ABLIM2: variants seen among roughly 807,000 people sequenced by gnomAD.
ABLIM2 encodes the protein actin-binding LIM protein 2.
A neutral mutation model predicts 97.7 loss-of-function variants in ABLIM2; 53 were observed. The observed-to-expected ratio is 0.54, with a 90% CI of 0.44 to 0.68. ABLIM2 has a LOEUF of 0.68. Ranked by LOEUF, ABLIM2 falls within the 30% of genes least tolerant of loss-of-function variation. The pLI is 0.00. For missense variants in ABLIM2, 835 were observed against 867.2 expected (o/e 0.96, Z 0.47); for synonymous variants, 361 against 345.8 (o/e 1.04, Z -0.49).
At chr4:8,115,166 G>A (rs545665606) in intron 1 of ABLIM2, among the ~76,000 whole-genome samples, 14 of 152,296 alleles carry the variant, frequency 9.2e-5, no homozygotes, top group Non-Finnish European at 1.6e-4. Flanking sequence ...AAATACCTCA[G>A]GCTCCTGACC....
Position 8,046,815 on chromosome 4 carries a change from T to C in ABLIM2, c.823-1574A>G, listed in dbSNP as rs2151803796. ...CCTAATCTGTTATGCCTGGGGTTTC[T>C]ACGAGCAGGGATCAGGACACAGACA... On this transcript the variant is annotated intron_variant, in intron 8 of 20. Transcript: ENST00000447017. This position sits in a 1 kb window ranked among gnomAD's most constrained non-coding sequence, Gnocchi z 4.4. 6.6e-6 allele frequency among the ~76,000 whole-genome samples: 1 copy of C among 152,248 alleles called. No homozygotes were observed. Among genetic ancestry groups the C allele is most frequent in the East Asian group, 1.9e-4 (1 of 5,172 alleles).
In ABLIM2 at chr4:8,032,527, C is replaced by T. The variant is rs1421280539; in HGVS notation, c.1048-2751G>A. ...CCCCATGTCACAAGGGCCGTGGCCC[C>T]GGGCCCCATGGTGAAGAGCCACCGA... On this transcript the variant is annotated intron_variant, in intron 10 of 20. Coordinates refer to ENST00000447017, the MANE Select transcript of ABLIM2 (RefSeq NM_001130083.2). The surrounding 1 kb of genome is among the most constrained non-coding windows in gnomAD (Gnocchi z 4.3). 8.0e-5 allele frequency: 105 copies of T among 1,305,244 alleles called. No homozygotes were observed. Among genetic ancestry groups the T allele is most frequent in the Admixed American group, 1.1e-4 (6 of 52,742 alleles). 80.9% of individuals were successfully genotyped at this position (1,305,244 alleles called of 1,614,324 possible).
rs994200032 is a variant in ABLIM2 at position 8,021,323 on chromosome 4, C to T, written c.1268-1020G>A. 2.0e-5 allele frequency among the ~76,000 whole-genome samples: 3 copies of T among 152,164 alleles called. No homozygotes were observed. The highest frequency in any genetic ancestry group is 7.2e-5 in the African/African-American group (3 of 41,428). On this transcript the variant is annotated intron_variant, in intron 12 of 20. Transcript: ENST00000447017. The surrounding 1 kb of genome is among the most constrained non-coding windows in gnomAD (Gnocchi z 5.5). ...GGTGACCTGGGTGACGCCCCTCCCC[C>T]CACACCTGTTTGGGGAATGAGGTGA...
Position 8,147,309 on chromosome 4 carries a change from C to T in ABLIM2, c.10+11371G>A, listed in dbSNP as rs1851963042. On this transcript the variant is annotated intron_variant, in intron 1 of 20. Coordinates refer to ENST00000447017, the MANE Select transcript of ABLIM2 (RefSeq NM_001130083.2). This position sits in a 1 kb window ranked among gnomAD's most constrained non-coding sequence, Gnocchi z 5.3. ...ACTCTCTCATCCATCCTAGAGACTC[C>T]ACAGGGAGAAGAAAAGGTATTGACC... is the stretch of plus-strand genomic sequence containing the variant. 6.6e-6 allele frequency among the ~76,000 whole-genome samples: 1 copy of T among 152,090 alleles called. No homozygotes were observed. Among genetic ancestry groups the T allele is most frequent in the African/African-American group, 2.4e-5 (1 of 41,392 alleles).
chr4:7,967,146 C>A (rs1324653749), intron 20 of ABLIM2, 43 bp from the exon 21 acceptor site: 3 of 1,520,012 alleles, frequency 2.0e-6, no homozygotes, highest in Non-Finnish European at 2.7e-6. Flanking sequence ...GTTAGCCACG[C>A]AGCAAGGGAC....
rs192239685 is a variant in ABLIM2 at position 8,144,155 on chromosome 4, G to T, written c.10+14525C>A. Among the ~76,000 whole-genome samples, 87 of 152,342 alleles carry T rather than the reference G, an allele frequency of 5.7e-4. 3 individuals are homozygous for T. The East Asian group carries it at 6.0e-3, about 10-fold the overall frequency. On this transcript the variant is annotated intron_variant, in intron 1 of 20. Transcript: ENST00000447017. ...CCACAGGGGTGCCTGGCAGAGTTGGGGAAAGGGAAGGGATCAAAGCACCCA... is the reference window on the plus strand; with the variant it reads ...CCACAGGGGTGCCTGGCAGAGTTGGTGAAAGGGAAGGGATCAAAGCACCCA...
Position 8,083,134 on chromosome 4 carries a change from C to T in ABLIM2, c.455-2332G>A, listed in dbSNP as rs1018998253. Among the ~76,000 whole-genome samples, 6 of 152,164 alleles carry T rather than the reference C, an allele frequency of 3.9e-5. No homozygotes were observed. The highest frequency in any genetic ancestry group is 2.1e-4 in the South Asian group (1 of 4,824). Reference sequence around the variant, plus strand: ...ATGTGAATGGTGCTGGAGCTGAGATCCCCGGCTCCAAGCCTCTGTTGGCTT... The same window carrying T: ...ATGTGAATGGTGCTGGAGCTGAGATTCCCGGCTCCAAGCCTCTGTTGGCTT... On this transcript the variant is annotated intron_variant, in intron 4 of 20. Transcript: ENST00000447017. This position sits in a 1 kb window ranked among gnomAD's most constrained non-coding sequence, Gnocchi z 4.6.
At chr4:8,012,893 C>T (rs1314730335) in intron 14 of ABLIM2, among the ~76,000 whole-genome samples, 4 of 152,208 alleles carry the variant, frequency 2.6e-5, no homozygotes, top group Non-Finnish European at 4.4e-5. Context: ...CTTAATCCAT[C>T]GATCAGTCCA....
chr4:8,144,143 T>C (rs930946555), intron 1 of ABLIM2, among the ~76,000 whole-genome samples: 2 of 152,176 alleles, frequency 1.3e-5, no homozygotes, highest in African/African-American at 4.8e-5. Context: ...CAGGGGTGCC[T>C]GGCAGAGTTG....
chr4:8,080,318 A>G (rs1818964032), intron 5 of ABLIM2, among the ~76,000 whole-genome samples: 1 of 152,158 alleles, frequency 6.6e-6, no homozygotes, highest in African/African-American at 2.4e-5. Flanking sequence ...CAGGCGCCGG[A>G]AAGGCAGCTG....
At chr4:8,047,342 C>T (rs1793159290) in intron 8 of ABLIM2, among the ~76,000 whole-genome samples, 1 of 150,696 alleles carries the variant, frequency 6.6e-6, no homozygotes, top group South Asian at 2.1e-4. Context: ...TTGGCAACTG[C>T]CGCTGCCACC....
At chr4:8,107,948 A>T (rs1450390512) in intron 1 of ABLIM2, among the ~76,000 whole-genome samples, 1 of 152,200 alleles carries the variant, frequency 6.6e-6, no homozygotes, top group Non-Finnish European at 1.5e-5. Context: ...AAGGGGCCAC[A>T]AGCCAAGGAA....
rs1437106048 is a variant in ABLIM2 at position 8,067,058 on chromosome 4, AGAG to A, written c.676-6007_676-6005del. 1 of 152,124 alleles carries A rather than the reference AGAG, an allele frequency of 6.6e-6. No homozygotes were observed. Among genetic ancestry groups the A allele is most frequent in the Admixed American group, 6.6e-5 (1 of 15,264 alleles). 9.4% of individuals were successfully genotyped at this position (152,124 alleles called of 1,614,324 possible). ...ACACTCTTGTCTATCCTTGTTTTCC[AGAG>A]GAGGAGGTCGAGGCTCAGAGAGGCG... is the stretch of plus-strand genomic sequence containing the variant. On this transcript the variant is annotated intron_variant, in intron 6 of 20. Coordinates refer to ENST00000447017, the MANE Select transcript of ABLIM2 (RefSeq NM_001130083.2). This position sits in a 1 kb window ranked among gnomAD's most constrained non-coding sequence, Gnocchi z 5.4.
chr4:8,140,480 C>G lies in ABLIM2; in HGVS notation c.10+18200G>C, dbSNP rs967860519. 6.6e-6 allele frequency among the ~76,000 whole-genome samples: 1 copy of G among 150,984 alleles called. No homozygotes were observed. Among genetic ancestry groups the G allele is most frequent in the African/African-American group, 2.4e-5 (1 of 41,088 alleles). On this transcript the variant is annotated intron_variant, in intron 1 of 20. Transcript: ENST00000447017. The surrounding 1 kb of genome is among the most constrained non-coding windows in gnomAD (Gnocchi z 5.9). ...ACCACCTGGAGGCTTGGAAACCTGG[C>G]GGGGAGCATGGGGGAAAGGGGGCAG...
intron 6 of ABLIM2, 63 bp downstream of exon 6, chr4:8,077,565 A>G: frequency 1.4e-6 from 2 of 1,437,664 alleles, no homozygotes; most frequent in Non-Finnish European, 1.9e-6. Flanking sequence ...CTCCCAGTCA[A>G]CTCCCAGGGG....
At chr4:7,976,724 T>TAC (rs745777896) in intron 20 of ABLIM2, among the ~76,000 whole-genome samples, 6 of 151,830 alleles carry the variant, frequency 4.0e-5, no homozygotes, top group African/African-American at 9.7e-5. Flanking sequence ...TCCATATGCA[T>TAC]ACACACACAT....
In ABLIM2 at chr4:8,008,094, G is replaced by C. The variant is rs760959542; in HGVS notation, c.1583C>G (p.Pro528Arg). Reference protein sequence around the residue: ...LSHSSGTDRDPLQRMAGDSFH... With the variant: ...LSHSSGTDRDRLQRMAGDSFH... Reference sequence around the variant, plus strand: ...GCTGTCCCCTGCCATCCTTTGGAGAGGGTCTCTGTCGGTCCCGCTGCTGTG... The same window carrying C: ...GCTGTCCCCTGCCATCCTTTGGAGACGGTCTCTGTCGGTCCCGCTGCTGTG... Residue 528 changes from proline (P) to arginine (R), a missense_variant, in exon 16 of 21, where the codon CCT becomes CGT. Physicochemically the swap from Pro to Arg is moderately radical, Grantham distance 103 (BLOSUM62 -2). Coordinates refer to ENST00000447017, the MANE Select transcript of ABLIM2 (RefSeq NM_001130083.2). 1 of 1,614,054 alleles carries C rather than the reference G, an allele frequency of 6.2e-7. No homozygotes were observed. The highest frequency in any genetic ancestry group is 1.7e-5 in the Admixed American group (1 of 60,036).
intron 20 of ABLIM2, among the ~76,000 whole-genome samples, chr4:7,977,512 C>T (rs933771950): frequency 7.9e-5 from 12 of 152,086 alleles, no homozygotes; most frequent in Non-Finnish European, 1.0e-4. Context: ...TAGGGTAGGC[C>T]GGTGTGGTGG....
At chr4:8,050,718 A>G (rs1179558466) in intron 8 of ABLIM2, among the ~76,000 whole-genome samples, 4 of 150,318 alleles carry the variant, frequency 2.7e-5, no homozygotes, top group Non-Finnish European at 1.5e-5. Context: ...TCCCACCCCC[A>G]GGCCAGGAAG....
Sources: allele counts gnomAD v4.1 joint callset (sites outside exome capture counted in the v4.1 genomes callset), GRCh38; gene constraint gnomAD v4.1.1; non-coding constraint Gnocchi (gnomAD v3.1); transcripts MANE v1.5; gene names NCBI Gene and HGNC (gene_info 2026-07-23, HGNC 2026-07-21).